The following HECTD4 variants were observed in gnomAD, a reference collection of about 807,000 sequenced individuals.
HECTD4 encodes the protein HECT domain E3 ubiquitin protein ligase 4, also known as probable E3 ubiquitin-protein ligase HECTD4.
In HECTD4, 114 loss-of-function variants were observed where a neutral mutation model predicts 471.5. The ratio of observed to expected loss-of-function variants is 0.24; its 90% CI spans 0.21 to 0.28. The LOEUF is 0.28. HECTD4 is among the 10% of genes least tolerant of loss of function. The probability of loss-of-function intolerance (pLI) is 1.00; values close to 1 mark genes in which losing one functional copy is unlikely to be tolerated. For synonymous variants in HECTD4, 2,012 were observed against 2,256.0 expected, an observed-to-expected ratio of 0.89 and a Z score of 3.07; for missense variants, 3,866 against 5,651.5, an observed-to-expected ratio of 0.68 and a Z score of 10.13.
At chr12:112,356,211 TCAGTA>T (rs1485744998) in intron 1 of HECTD4, among the ~76,000 whole-genome samples, 25 of 152,120 alleles carry the variant, frequency 1.6e-4, no homozygotes, top group Non-Finnish European at 1.9e-4. Context: ...GATTAAAAAA[TCAGTA>T]CAGTGATACT....
chr12:112,338,633 A>C (rs998931297), intron 1 of HECTD4, among the ~76,000 whole-genome samples: 3 of 152,102 alleles, frequency 2.0e-5, no homozygotes, highest in Non-Finnish European at 4.4e-5. Flanking sequence ...AAAAGAAAGA[A>C]AGAAAGAAAG....
intron 1 of HECTD4, among the ~76,000 whole-genome samples, chr12:112,359,298 T>C (rs936689854): frequency 2.0e-5 from 3 of 151,860 alleles, no homozygotes; most frequent in Admixed American, 1.3e-4. Flanking sequence ...TCATGCTTTT[T>C]TTTTTTTAAA....
Position 112,173,640 on chromosome 12 carries a change from C to T in HECTD4, c.11595-779G>A, listed in dbSNP as rs1263724147. ...CAATCTCCTGACCTTGTGATCCGCCCGCCTCAGCCTCCCAAAGTGCTGCGA... is the reference window on the plus strand; with the variant it reads ...CAATCTCCTGACCTTGTGATCCGCCTGCCTCAGCCTCCCAAAGTGCTGCGA... On this transcript the variant is annotated intron_variant, in intron 66 of 75. Coordinates refer to ENST00000682272, the MANE Select transcript of HECTD4 (RefSeq NM_001388303.1). This position sits in a 1 kb window ranked among gnomAD's most constrained non-coding sequence, Gnocchi z 4.3. Among the ~76,000 whole-genome samples, 1 of 151,988 alleles carries T rather than the reference C, an allele frequency of 6.6e-6. No homozygotes were observed. Among genetic ancestry groups the T allele is most frequent in the Non-Finnish European group, 1.5e-5 (1 of 68,000 alleles).
At chr12:112,329,468 A>G (rs1288417224) in intron 1 of HECTD4, among the ~76,000 whole-genome samples, 2 of 151,588 alleles carry the variant, frequency 1.3e-5, no homozygotes, top group Non-Finnish European at 2.9e-5. Flanking sequence ...CCTGGGTTCA[A>G]ATGATTCTCG....
intron 1 of HECTD4, among the ~76,000 whole-genome samples, chr12:112,337,359 A>C (rs2135722192): frequency 6.6e-6 from 1 of 152,320 alleles, no homozygotes; most frequent in South Asian, 2.1e-4. Context: ...TTAACAACTA[A>C]TATCTGTTCC....
intron 44 of HECTD4, among the ~76,000 whole-genome samples, chr12:112,224,088 G>A (rs940926455): frequency 6.6e-6 from 1 of 151,980 alleles, no homozygotes; most frequent in African/African-American, 2.4e-5. Context: ...TTTCTCCTGA[G>A]TATAGTCTAT....
chr12:112,247,398 A>C, intron 28 of HECTD4, 64 bp downstream of exon 28: 1 of 746,968 alleles, frequency 1.3e-6, no homozygotes. Context: ...AAGAGACTAG[A>C]CCTTTACAGT....
At chr12:112,308,468 A>AC (rs200064015) in intron 6 of HECTD4, among the ~76,000 whole-genome samples, 1 of 151,940 alleles carries the variant, frequency 6.6e-6, no homozygotes, top group Non-Finnish European at 1.5e-5. Flanking sequence ...CAAAAAAAAA[A>AC]AACCAGCTAG....
At chr12:112,268,237 T>C (rs544696711) in intron 13 of HECTD4, among the ~76,000 whole-genome samples, 15 of 152,166 alleles carry the variant, frequency 9.9e-5, no homozygotes, top group Non-Finnish European at 1.9e-4. Context: ...ACAATCAAGA[T>C]AGTGAATATA....
intron 1 of HECTD4, among the ~76,000 whole-genome samples, chr12:112,358,455 G>GA (rs1000664261): frequency 6.6e-5 from 10 of 150,424 alleles, no homozygotes; most frequent in South Asian, 2.1e-4. Context: ...ATTTCAAAAA[G>GA]AAAAAAAATC....
At chr12:112,312,788 G>A (rs1297851273) in intron 4 of HECTD4, among the ~76,000 whole-genome samples, 1 of 152,148 alleles carries the variant, frequency 6.6e-6, no homozygotes, top group African/African-American at 2.4e-5. Flanking sequence ...AAGAGTGTAT[G>A]GATGATATCT....
At chr12:112,270,143 T>C in intron 12 of HECTD4, 84 bp downstream of exon 12, 1 of 1,183,788 alleles carries the variant, frequency 8.4e-7, no homozygotes, top group Non-Finnish European at 1.2e-6. Context: ...TAAATTTTTC[T>C]TCTGGTAAAA....
chr12:112,164,261 G>A lies in HECTD4; in HGVS notation c.12549C>T (p.Thr4183=). ...VKKFESINDE[T]ELEALCAEIA... ...TCTCAGCGCACAGGGCCTCCAGCTC[G>A]GTCTCATCATTGATCTGGAGGGTGG... is the stretch of plus-strand genomic sequence containing the variant. Residue 4183 remains threonine, a synonymous_variant, in exon 73 of 76, where the codon ACC becomes ACT. Transcript: ENST00000682272. 5.6e-6 allele frequency: 9 copies of A among 1,612,882 alleles called. No homozygotes were observed. Among genetic ancestry groups the A allele is most frequent in the Middle Eastern group, 1.7e-4 (1 of 6,052 alleles).
At chr12:112,196,940 C>T (rs1285633160) in intron 55 of HECTD4, among the ~76,000 whole-genome samples, 1 of 152,054 alleles carries the variant, frequency 6.6e-6, no homozygotes, top group Non-Finnish European at 1.5e-5. Context: ...GGATTACAGG[C>T]GTGTGCCACC....
intron 1 of HECTD4, among the ~76,000 whole-genome samples, chr12:112,364,511 C>T (rs991941488): frequency 6.6e-6 from 1 of 152,122 alleles, no homozygotes; most frequent in Admixed American, 6.6e-5. Flanking sequence ...AGATAGATAG[C>T]TTCAGCCCAG....
chr12:112,358,716 T>G (rs1329099963), intron 1 of HECTD4, among the ~76,000 whole-genome samples: 1 of 151,732 alleles, frequency 6.6e-6, no homozygotes, highest in Non-Finnish European at 1.5e-5. Context: ...ATCAAGAAAA[T>G]TTAGAGGAGA....
chr12:112,258,518 A>C lies in HECTD4; in HGVS notation c.3106T>G (p.Cys1036Gly). ...CSPCGAPDQK[C>G]RLFPDERMLE... is the part of the protein sequence containing the mutation. ...TACCTCTCATCAGGGAACAGCCTGC[A>C]CTTCTGGTCTGGTGCACCACACGGG... The change falls in exon 20 of 76, where the codon TGC becomes GGC. Residue 1036 changes from cysteine to glycine, a missense_variant. By Grantham distance (159) the Cys-to-Gly change is radical (BLOSUM62 -3). Transcript: ENST00000682272. The C allele has an allele frequency of 6.3e-7, 1 of 1,597,796 alleles. No homozygotes were observed. Among genetic ancestry groups the C allele is most frequent in the Non-Finnish European group, 8.5e-7 (1 of 1,173,808 alleles).
chr12:112,230,603 C>T (rs1022257189), intron 40 of HECTD4, 84 bp downstream of exon 40: 19 of 1,450,142 alleles, frequency 1.3e-5, no homozygotes, highest in Middle Eastern at 1.9e-4. Flanking sequence ...TTTCTCTTTA[C>T]TGAAATGCCC....
Position 112,207,980 on chromosome 12 carries a change from C to T in HECTD4, c.8025G>A (p.Leu2675=), listed in dbSNP as rs1566072619. Reference sequence around the variant, plus strand: ...AAACCTTGGTCTCCCATGCTTTCACCAGCAGGGCGTAGTGGTCCTCCTGGA... The same window carrying T: ...AAACCTTGGTCTCCCATGCTTTCACTAGCAGGGCGTAGTGGTCCTCCTGGA... ...DIPQEDHYAL[L]VKAWETKVFP... Residue 2675 remains leucine, a synonymous_variant, in exon 52 of 76, where the codon CTG becomes CTA. Coordinates refer to ENST00000682272, the MANE Select transcript of HECTD4 (RefSeq NM_001388303.1). The T allele has an allele frequency of 6.2e-7, 1 of 1,613,540 alleles. No homozygotes were observed. Among genetic ancestry groups the T allele is most frequent in the Non-Finnish European group, 8.5e-7 (1 of 1,179,722 alleles).
Sources: gnomAD v4.1 joint callset for allele counts (sites outside exome capture counted in the v4.1 genomes callset) on GRCh38, gnomAD v4.1.1 for gene constraint, Gnocchi (gnomAD v3.1) non-coding constraint, MANE v1.5 for transcripts, NCBI Gene and HGNC (gene_info 2026-07-23, HGNC 2026-07-21) for gene names.